Variants in FSTL5 observed in about 807,000 individuals in gnomAD.
FSTL5 encodes follistatin like 5.
In FSTL5, 62 loss-of-function variants were observed where a neutral mutation model predicts 89.1. The observed-to-expected ratio is 0.70, with a 90% CI of 0.57 to 0.86. The LOEUF (loss-of-function observed/expected upper bound fraction) is 0.86. Ranked by LOEUF, FSTL5 falls within the 40% of genes least tolerant of loss-of-function variation. The pLI is 0.00. For synonymous variants in FSTL5, 383 were observed against 346.2 expected (o/e 1.11, Z -1.18); for missense variants, 1,057 against 1,001.6 (o/e 1.06, Z -0.75).
intron 8 of FSTL5, among the ~76,000 whole-genome samples, chr4:161,566,099 A>AATATATATATATAT (rs1560956518): frequency 4.1e-5 from 1 of 24,650 alleles, no homozygotes; most frequent in Non-Finnish European, 8.1e-5. Flanking sequence ...TTTTTTTTGG[A>AATATATATATATAT]CTATATATAT....
At chr4:161,420,284 T>A (rs1260224897) in intron 15 of FSTL5, among the ~76,000 whole-genome samples, 2 of 152,218 alleles carry the variant, frequency 1.3e-5, no homozygotes, top group African/African-American at 4.8e-5. Context: ...AAGGTAGTTA[T>A]AAATACTAGC....
At chr4:161,934,250 C>T (rs1383205879) in intron 3 of FSTL5, among the ~76,000 whole-genome samples, 1 of 151,934 alleles carries the variant, frequency 6.6e-6, no homozygotes, top group African/African-American at 2.4e-5. Context: ...GTTTATAGTT[C>T]TAGCAAACAA....
At chr4:161,398,665 C>A (rs1731081176) in intron 15 of FSTL5, among the ~76,000 whole-genome samples, 1 of 152,052 alleles carries the variant, frequency 6.6e-6, no homozygotes, top group Non-Finnish European at 1.5e-5. Context: ...TTTAATTTCA[C>A]AAATTAGAAG....
intron 2 of FSTL5, among the ~76,000 whole-genome samples, chr4:162,042,626 TATATA>T (rs1478801182): frequency 2.0e-5 from 3 of 152,144 alleles, no homozygotes; most frequent in Non-Finnish European, 4.4e-5. Flanking sequence ...AAAGGGAAAT[TATATA>T]ATATACTTTT....
At chr4:161,949,817 G>A (rs1734842037) in intron 3 of FSTL5, among the ~76,000 whole-genome samples, 1 of 150,466 alleles carries the variant, frequency 6.6e-6, no homozygotes, top group Non-Finnish European at 1.5e-5. Flanking sequence ...AAAAATAATT[G>A]GAATTCTCTG....
chr4:161,975,718 C>T (rs1193500916), intron 3 of FSTL5, among the ~76,000 whole-genome samples: 1 of 148,682 alleles, frequency 6.7e-6, no homozygotes, highest in Non-Finnish European at 1.5e-5. Flanking sequence ...CTAACCTGCA[C>T]AATGTGCACA....
chr4:161,680,240 C>A (rs1189243964), intron 6 of FSTL5, among the ~76,000 whole-genome samples: 1 of 151,814 alleles, frequency 6.6e-6, no homozygotes, highest in Admixed American at 6.6e-5. Context: ...TAACAGGATA[C>A]AAAGTGCAAT....
rs979263914 is a variant in FSTL5 at position 161,698,779 on chromosome 4, CA to C, written c.728-42286del. Among the ~76,000 whole-genome samples, 114 of 151,912 alleles carry C rather than the reference CA, an allele frequency of 7.5e-4. 1 individual carries two copies. Among genetic ancestry groups the C allele is most frequent in the African/African-American group, 2.4e-3 (98 of 41,446 alleles). ...CCTGTCTCTACTAAACATACAAAAA[CA>C]AACAAACAAACAAATAAAACTTAGC... On this transcript the variant is annotated intron_variant, in intron 6 of 15. Transcript: ENST00000306100.
chr4:162,054,783 C>T (rs1366276853), intron 2 of FSTL5, among the ~76,000 whole-genome samples: 1 of 151,752 alleles, frequency 6.6e-6, no homozygotes, highest in Non-Finnish European at 1.5e-5. Context: ...ACCTGGGTAA[C>T]GTGTCTGAAA....
intron 3 of FSTL5, among the ~76,000 whole-genome samples, chr4:162,002,408 G>T (rs540490973): frequency 1.3e-5 from 2 of 152,134 alleles, no homozygotes; most frequent in Non-Finnish European, 2.9e-5. Context: ...CTGGGGCTCC[G>T]TAGGATAGGA....
intron 6 of FSTL5, among the ~76,000 whole-genome samples, chr4:161,711,021 T>G (rs1738758504): frequency 6.6e-6 from 1 of 152,080 alleles, no homozygotes; most frequent in South Asian, 2.1e-4. Context: ...CATATCAAAC[T>G]TATAAGATGT....
chr4:161,796,431 G>A (rs1035159355), intron 4 of FSTL5, among the ~76,000 whole-genome samples: 2 of 151,754 alleles, frequency 1.3e-5, no homozygotes, highest in Non-Finnish European at 3.0e-5. Flanking sequence ...TGTGTAAGGT[G>A]AGAAAACATG....
chr4:162,032,674 G>C (rs1737582709), intron 3 of FSTL5: 2 of 152,116 alleles, frequency 1.3e-5, no homozygotes, highest in Non-Finnish European at 2.9e-5. Context: ...ATTTGGACTT[G>C]TTATAAATAA....
chr4:161,997,851 AC>A (rs1736345720), intron 3 of FSTL5, among the ~76,000 whole-genome samples: 1 of 151,964 alleles, frequency 6.6e-6, no homozygotes, highest in African/African-American at 2.4e-5. Flanking sequence ...TGATCCGCCC[AC>A]CTCGGCCTCC....
chr4:161,411,555 T>C (rs980422846), intron 15 of FSTL5, among the ~76,000 whole-genome samples: 6 of 152,138 alleles, frequency 3.9e-5, no homozygotes, highest in Admixed American at 3.3e-4. Flanking sequence ...GTAAGTGATA[T>C]ACTGCATAAA....
At chr4:161,800,556 C>A (rs1411673555) in intron 4 of FSTL5, among the ~76,000 whole-genome samples, 1 of 151,616 alleles carries the variant, frequency 6.6e-6, no homozygotes, top group African/African-American at 2.4e-5. Context: ...CTTTTGTTCT[C>A]AATTGAGACA....
At chr4:161,843,723 G>A (rs1035732612) in intron 4 of FSTL5, among the ~76,000 whole-genome samples, 9 of 152,016 alleles carry the variant, frequency 5.9e-5, no homozygotes, top group Admixed American at 5.2e-4. Context: ...AATGGTGCTG[G>A]GAAAACTGGC....
At position 161,690,014 on chromosome 4, in the gene FSTL5, C is replaced by T. The variant is rs148811469; in HGVS notation, c.728-33520G>A. On this transcript the variant is annotated intron_variant, in intron 6 of 15. Transcript: ENST00000306100. ...CATGGCTGGATAATGTTCCACTCTG[C>T]GTATATACCACAATTCCTTTTTCCA... 3.3e-5 allele frequency among the ~76,000 whole-genome samples: 5 copies of T among 152,168 alleles called. 1 individual carries two copies. The highest frequency in any genetic ancestry group is 7.2e-5 in the African/African-American group (3 of 41,546).
In FSTL5 at chr4:161,786,993, T is replaced by C. The variant is rs543145479; in HGVS notation, c.410-10919A>G. 3.7e-4 allele frequency among the ~76,000 whole-genome samples: 56 copies of C among 152,226 alleles called. 1 individual carries two copies. The South Asian group carries it at 0.011, about 31-fold the overall frequency. ...CACTTTCTTATGAATATGCATCATG[T>C]TTTAACAATAGCTTATTATGACCTT... On this transcript the variant is annotated intron_variant, in intron 4 of 15. Coordinates refer to ENST00000306100, the MANE Select transcript of FSTL5 (RefSeq NM_020116.5).
Sources: allele counts gnomAD v4.1 joint callset (sites outside exome capture counted in the v4.1 genomes callset), GRCh38; gene constraint gnomAD v4.1.1; transcripts MANE v1.5; gene names NCBI Gene and HGNC (gene_info 2026-07-23, HGNC 2026-07-21).